Variants in GALNT17 observed in about 807,000 individuals in gnomAD.
The protein encoded by GALNT17 is UDP-GalNAc:polypeptide N-acetylgalactosaminyltransferase-like 3.
GALNT17 carries 29 observed loss-of-function variants against 63.7 expected under a neutral mutation model. That is an observed-to-expected ratio of 0.46 (90% CI 0.34 to 0.62). GALNT17 has a LOEUF of 0.62. GALNT17 is among the 20% of genes least tolerant of loss of function. GALNT17 has a pLI of 0.01. For synonymous variants in GALNT17, 305 were observed against 318.3 expected, an observed-to-expected ratio of 0.96 and a Z score of 0.45; for missense variants, 603 against 799.6, an observed-to-expected ratio of 0.75 and a Z score of 2.97.
intron 3 of GALNT17, among the ~76,000 whole-genome samples, chr7:71,400,015 G>A (rs1793211869): frequency 2.0e-5 from 3 of 152,100 alleles, no homozygotes; most frequent in Admixed American, 2.0e-4. Flanking sequence ...TAAGTTCTGG[G>A]ATGCATGCGC....
chr7:71,388,467 A>C, intron 3 of GALNT17, 66 bp downstream of exon 3: 2 of 1,554,640 alleles, frequency 1.3e-6, no homozygotes, highest in Non-Finnish European at 1.8e-6. Flanking sequence ...CTTTCATTCC[A>C]ACGCGAGCCC....
intron 1 of GALNT17, among the ~76,000 whole-genome samples, chr7:71,137,485 C>T (rs924994272): frequency 6.6e-6 from 1 of 152,174 alleles, no homozygotes; most frequent in Admixed American, 6.5e-5. Context: ...CACCACAGCC[C>T]CTTGCACTTA....
chr7:71,624,078 C>T (rs181511055), intron 6 of GALNT17, among the ~76,000 whole-genome samples: 89 of 152,254 alleles, frequency 5.8e-4, no homozygotes, highest in African/African-American at 2.0e-3. Flanking sequence ...TATGGCTTTG[C>T]GATGTCGGCG....
intron 9 of GALNT17, among the ~76,000 whole-genome samples, chr7:71,684,224 G>A (rs1791316208): frequency 6.6e-6 from 1 of 152,082 alleles, no homozygotes; most frequent in African/African-American, 2.4e-5. Context: ...TGCACGGAGA[G>A]CACCCTCCTC....
At chr7:71,619,549 T>G (rs190232007) in intron 6 of GALNT17, among the ~76,000 whole-genome samples, 1 of 151,468 alleles carries the variant, frequency 6.6e-6, no homozygotes, top group Non-Finnish European at 1.5e-5. Context: ...ATTTTCTTTG[T>G]GGCTATTTTA....
rs1222702515 is a variant in GALNT17 at position 71,710,778 on chromosome 7, G to A, written c.1518G>A (p.Lys506=). Residue 506 remains lysine, a synonymous_variant, in exon 10 of 11, where the codon AAG becomes AAA. Coordinates refer to ENST00000333538, the MANE Select transcript of GALNT17 (RefSeq NM_022479.3). ...GWGPQLARYT[K]EGFLHLGALG... ...CTCGACAGCTTGCCCGCTACACCAA[G>A]GAAGGCTTCCTGCACTTGGGTGCCC... 6.2e-7 allele frequency: 1 copy of A among 1,612,280 alleles called. No individual in the cohort carries two copies. Among genetic ancestry groups the A allele is most frequent in the African/African-American group, 1.3e-5 (1 of 74,896 alleles).
chr7:71,446,252 T>C (rs1012468157), intron 5 of GALNT17, among the ~76,000 whole-genome samples: 4 of 152,090 alleles, frequency 2.6e-5, no homozygotes, highest in African/African-American at 9.7e-5. Flanking sequence ...GTAAAAATAC[T>C]TTTTTTATTA....
chr7:71,173,618 C>T (rs914146670), intron 1 of GALNT17, among the ~76,000 whole-genome samples: 2 of 151,986 alleles, frequency 1.3e-5, no homozygotes, highest in African/African-American at 4.8e-5. Context: ...ACTAAAAATA[C>T]AAAAATTAGC....
At chr7:71,150,153 AG>A (rs1460079950) in intron 1 of GALNT17, among the ~76,000 whole-genome samples, 2 of 152,236 alleles carry the variant, frequency 1.3e-5, no homozygotes, top group Non-Finnish European at 2.9e-5. Flanking sequence ...CCACAGACCT[AG>A]GTTTGAGTGT....
intron 9 of GALNT17, among the ~76,000 whole-genome samples, chr7:71,684,228 C>A (rs562383122): frequency 9.9e-5 from 15 of 152,234 alleles, no homozygotes; most frequent in African/African-American, 3.6e-4. Context: ...CGGAGAGCAC[C>A]CTCCTCTGCC....
At chr7:71,172,880 C>T (rs1434041521) in intron 1 of GALNT17, among the ~76,000 whole-genome samples, 3 of 152,126 alleles carry the variant, frequency 2.0e-5, no homozygotes, top group African/African-American at 7.2e-5. Context: ...AGGTGTTGTT[C>T]TGTCCCAAAG....
intron 7 of GALNT17, 57 bp from the exon 8 acceptor site, chr7:71,669,915 C>T (rs1791042693): frequency 6.3e-7 from 1 of 1,598,194 alleles, no homozygotes; most frequent in South Asian, 1.1e-5. Flanking sequence ...CACCTGTGCC[C>T]CACTCTGGCC....
intron 1 of GALNT17, among the ~76,000 whole-genome samples, chr7:71,292,155 A>G (rs1790990137): frequency 6.6e-6 from 1 of 152,160 alleles, no homozygotes; most frequent in African/African-American, 2.4e-5. Context: ...ATTCCGGGAG[A>G]GAGTAGTCAA....
intron 5 of GALNT17, among the ~76,000 whole-genome samples, chr7:71,504,730 T>G (rs1788238599): frequency 6.6e-6 from 1 of 152,184 alleles, no homozygotes; most frequent in Non-Finnish European, 1.5e-5. Context: ...TCTGGTATTT[T>G]TCAGTCTTTC....
chr7:71,391,522 G>A lies in GALNT17; in HGVS notation c.589+3121G>A, dbSNP rs553874134. Among the ~76,000 whole-genome samples the A allele has an allele frequency of 7.9e-5, 12 of 152,194 alleles. No homozygotes were observed. In the East Asian group the frequency reaches 9.7e-4, roughly 12 times the overall value. On this transcript the variant is annotated intron_variant, in intron 3 of 10. Transcript: ENST00000333538. The stretch of plus-strand genomic sequence containing the variant: ...TTGAGACAGGGTCTCTCACTCTGTC[G>A]CCCGGGCTGGAGTGCGGTGGTGCGA...
At chr7:71,483,616 G>A (rs1368268660) in intron 5 of GALNT17, among the ~76,000 whole-genome samples, 1 of 150,116 alleles carries the variant, frequency 6.7e-6, no homozygotes, top group Non-Finnish European at 1.5e-5. Context: ...AGAGTGCAGT[G>A]GCATTATCTG....
chr7:71,605,725 C>G (rs1033110099), intron 6 of GALNT17, among the ~76,000 whole-genome samples: 1 of 152,134 alleles, frequency 6.6e-6, no homozygotes, highest in African/African-American at 2.4e-5. Flanking sequence ...GAGAAGAGGA[C>G]TCCAGGGTGC....
chr7:71,671,359 C>T (rs1421625628), intron 8 of GALNT17, among the ~76,000 whole-genome samples: 1 of 152,168 alleles, frequency 6.6e-6, no homozygotes, highest in Non-Finnish European at 1.5e-5. Context: ...CAGGTTAAAG[C>T]TAAGAAGAAT....
At chr7:71,319,944 A>T (rs1791574532) in intron 1 of GALNT17, among the ~76,000 whole-genome samples, 1 of 152,176 alleles carries the variant, frequency 6.6e-6, no homozygotes, top group Non-Finnish European at 1.5e-5. Context: ...TGGTGATGTC[A>T]GGATGAAGAG....
Sources: gnomAD v4.1 joint callset for allele counts (sites outside exome capture counted in the v4.1 genomes callset) on GRCh38, gnomAD v4.1.1 for gene constraint, MANE v1.5 for transcripts, NCBI Gene and HGNC (gene_info 2026-07-23, HGNC 2026-07-21) for gene names.